Variants in EGF observed in about 807,000 individuals in gnomAD.
EGF encodes the protein epidermal growth factor.
In EGF, 95 loss-of-function variants were observed where a neutral mutation model predicts 143.8. That is an observed-to-expected ratio of 0.66 (90% CI 0.56 to 0.78). The LOEUF (loss-of-function observed/expected upper bound fraction) is 0.78, where lower values mean the gene tolerates loss of function less well. Among genes scored for constraint, EGF ranks in the 30% least tolerant of loss-of-function variants. The pLI is 0.00. For synonymous variants in EGF, 510 were observed against 510.5 expected, an observed-to-expected ratio of 1.00 and a Z score of 0.01; for missense variants, 1,320 against 1,470.9, an observed-to-expected ratio of 0.90 and a Z score of 1.68.
At chr4:109,931,008 C>T (rs563587152) in intron 1 of EGF, among the ~76,000 whole-genome samples, 3 of 152,188 alleles carry the variant, frequency 2.0e-5, no homozygotes, top group Non-Finnish European at 4.4e-5. Flanking sequence ...TACTTCCCCC[C>T]TTACTGAACT....
chr4:109,997,455 C>T (rs939736148), intron 20 of EGF, among the ~76,000 whole-genome samples: 7 of 152,036 alleles, frequency 4.6e-5, no homozygotes, highest in African/African-American at 1.7e-4. Context: ...TCCATCTCTA[C>T]CAAATTTTTT....
intron 10 of EGF, among the ~76,000 whole-genome samples, chr4:109,968,098 A>G (rs934802181): frequency 2.0e-5 from 3 of 152,172 alleles, no homozygotes; most frequent in Non-Finnish European, 4.4e-5. Context: ...TAATTTCACT[A>G]TGACATTTTG....
intron 2 of EGF, among the ~76,000 whole-genome samples, chr4:109,942,768 G>A (rs186715991): frequency 1.8e-3 from 277 of 152,292 alleles, no homozygotes; most frequent in Middle Eastern, 3.4e-3. Flanking sequence ...GGGGCCTATT[G>A]GAGGAGGAGG....
intron 6 of EGF, 27 bp from the exon 7 acceptor site, chr4:109,960,840 A>G (rs1745567852): frequency 6.2e-7 from 1 of 1,613,404 alleles, no homozygotes; most frequent in African/African-American, 1.3e-5. Flanking sequence ...AGCCATTTGA[A>G]TGTATTGTGC....
At chr4:110,004,455 G>C in intron 21 of EGF, 50 bp from the exon 22 acceptor site, 2 of 1,504,370 alleles carry the variant, frequency 1.3e-6, no homozygotes, top group Non-Finnish European at 1.8e-6. Flanking sequence ...TGAGTGGGCT[G>C]AGTATTTTGT....
At chr4:109,954,996 A>G (rs1333570129) in intron 5 of EGF, among the ~76,000 whole-genome samples, 2 of 152,238 alleles carry the variant, frequency 1.3e-5, no homozygotes, top group East Asian at 1.9e-4. Flanking sequence ...GGGATGCCAA[A>G]TATTTAGTTA....
intron 1 of EGF, among the ~76,000 whole-genome samples, chr4:109,927,354 T>C (rs887252346): frequency 6.6e-6 from 1 of 152,062 alleles, no homozygotes; most frequent in African/African-American, 2.4e-5. Flanking sequence ...AATCAGAAGG[T>C]GTTATGTAAT....
chr4:109,999,708 G>A lies in EGF; in HGVS notation c.3035G>A (p.Cys1012Tyr). Residue 1012 changes from cysteine (C) to tyrosine (Y), a missense_variant, in exon 21 of 24, where the codon TGT becomes TAT. Around this residue, in one of 5 missense-constraint regions of EGF, gnomAD observed 1,186 missense variants for 1,313.7 expected, o/e 0.90. Coordinates refer to ENST00000265171, the MANE Select transcript of EGF (RefSeq NM_001963.6). The stretch of plus-strand genomic sequence containing the variant: ...GTTGTTGGCTACATCGGGGAGCGAT[G>A]TCAGTACCGAGACCTGAAGTGGTGG... ...NCVVGYIGER[C>Y]QYRDLKWWEL... 1 of 1,614,168 alleles carries A rather than the reference G, an allele frequency of 6.2e-7. No individual in the cohort carries two copies. The highest frequency in any genetic ancestry group is 8.5e-7 in the Non-Finnish European group (1 of 1,180,014).
chr4:110,011,147 T>C (rs548802999), intron 23 of EGF, 55 bp from the exon 24 acceptor site: 2 of 1,600,778 alleles, frequency 1.2e-6, no homozygotes, highest in African/African-American at 1.3e-5. Context: ...GGGTCTGTCT[T>C]GCCTATCTAT....
intron 20 of EGF, among the ~76,000 whole-genome samples, chr4:109,997,016 G>A (rs549893707): frequency 6.6e-6 from 1 of 151,546 alleles, no homozygotes; most frequent in Admixed American, 6.6e-5. Context: ...TTTTTTTCAG[G>A]AGACCATCGT....
intron 1 of EGF, among the ~76,000 whole-genome samples, chr4:109,934,785 G>T (rs566565977): frequency 1.4e-4 from 22 of 152,154 alleles, no homozygotes; most frequent in South Asian, 8.3e-4. Context: ...CATATGTCTA[G>T]CCAGTTTTCC....
chr4:109,932,747 A>C (rs1226321859), intron 1 of EGF, among the ~76,000 whole-genome samples: 1 of 152,242 alleles, frequency 6.6e-6, no homozygotes, highest in South Asian at 2.1e-4. Context: ...TAGGAAATTA[A>C]CAATATATAT....
In EGF at chr4:109,922,199, G is replaced by A. The variant is rs957223316; in HGVS notation, c.127+8737G>A. 3.3e-5 allele frequency among the ~76,000 whole-genome samples: 5 copies of A among 151,648 alleles called. 1 individual carries two copies. Among genetic ancestry groups the A allele is most frequent in the African/African-American group, 1.2e-4 (5 of 40,936 alleles). On this transcript the variant is annotated intron_variant, in intron 1 of 23. Transcript: ENST00000265171. Reference sequence around the variant, plus strand: ...TTTAGAATGGTCAATGCTCTAAGTGGATCAAAAGGCTTATTATTTTTTGGA... The same window carrying A: ...TTTAGAATGGTCAATGCTCTAAGTGAATCAAAAGGCTTATTATTTTTTGGA...
At chr4:109,979,803 G>A (rs991563278) in intron 13 of EGF, among the ~76,000 whole-genome samples, 169 bp from the exon 14 acceptor site, 4 of 152,120 alleles carry the variant, frequency 2.6e-5, no homozygotes, top group African/African-American at 7.2e-5. Context: ...TCCTCATGTG[G>A]GCTTTCCTTG....
intron 22 of EGF, 53 bp downstream of exon 22, chr4:110,004,675 T>A (rs543587764): frequency 6.6e-7 from 1 of 1,517,020 alleles, no homozygotes; most frequent in East Asian, 2.3e-5. Flanking sequence ...TTAACCCCTA[T>A]TCATTTTTTC....
chr4:109,920,270 C>G (rs547869379), intron 1 of EGF, among the ~76,000 whole-genome samples: 1 of 151,806 alleles, frequency 6.6e-6, no homozygotes, highest in Non-Finnish European at 1.5e-5. Flanking sequence ...CTGATCTAAG[C>G]TATTTTAGCA....
intron 10 of EGF, among the ~76,000 whole-genome samples, chr4:109,966,546 T>A (rs915596910): frequency 6.6e-6 from 1 of 152,134 alleles, no homozygotes; most frequent in African/African-American, 2.4e-5. Flanking sequence ...TCTTTTCCAT[T>A]GGGTAGATAG....
In EGF at chr4:109,941,037, T is replaced by A; in HGVS notation, c.219T>A (p.Ala73=). 5 of 1,614,076 alleles carry A rather than the reference T, an allele frequency of 3.1e-6. No homozygotes were observed. The highest frequency in any genetic ancestry group is 4.2e-6 in the Non-Finnish European group (5 of 1,179,954). The part of the protein sequence containing the change: ...GTNYEQLVVD[A]GVSVIMDFHY... ...ATTATGAGCAATTGGTGGTGGATGC[T>A]GGTGTCTCAGTGATCATGGATTTTC... Residue 73 remains alanine, a synonymous_variant, in exon 2 of 24, where the codon GCT becomes GCA. Coordinates refer to ENST00000265171, the MANE Select transcript of EGF (RefSeq NM_001963.6).
At chr4:109,945,846 T>G (rs41501344) in intron 5 of EGF, among the ~76,000 whole-genome samples, 3 of 152,322 alleles carry the variant, frequency 2.0e-5, no homozygotes, top group Non-Finnish European at 4.4e-5. Context: ...TGTAGGTACC[T>G]CTGCAGCCAT....
Sources: gnomAD v4.1 joint callset for allele counts (sites outside exome capture counted in the v4.1 genomes callset) on GRCh38, gnomAD v4.1.1 for gene constraint, gnomAD v4.1.1 regional missense constraint, MANE v1.5 for transcripts, NCBI Gene and HGNC (gene_info 2026-07-23, HGNC 2026-07-21) for gene names.